The following AKTIP variants were observed in gnomAD, a reference collection of about 807,000 sequenced individuals.
The protein encoded by AKTIP is AKT interacting protein, also known as AKT-interacting protein.
AKTIP carries 16 observed loss-of-function variants against 39.1 expected under a neutral mutation model. The observed-to-expected ratio is 0.41, with a 90% CI of 0.28 to 0.62. The LOEUF (loss-of-function observed/expected upper bound fraction) is 0.62. Among genes scored for constraint, AKTIP ranks in the 20% least tolerant of loss-of-function variants. The pLI is 0.32. For synonymous variants in AKTIP, 93 were observed against 124.3 expected (o/e 0.75, Z 1.67); for missense variants, 262 against 356.6 (o/e 0.73, Z 2.14).
At chr16:53,494,984 C>T (rs1384212776) in intron 5 of AKTIP, 89 bp downstream of exon 5, 1 of 1,174,094 alleles carries the variant, frequency 8.5e-7, no homozygotes, top group Non-Finnish European at 1.3e-6. Context: ...ATAAAGGTAC[C>T]AGGTCAGGAA....
At chr16:53,494,659 A>T (rs1961716722) in intron 5 of AKTIP, 54 bp from the exon 6 acceptor site, 5 of 1,528,248 alleles carry the variant, frequency 3.3e-6, no homozygotes, top group Non-Finnish European at 4.5e-6. Context: ...GGCGCTTATG[A>T]GACCCATAGG....
intron 8 of AKTIP, chr16:53,493,788 C>T: frequency 8.1e-6 from 2 of 246,688 alleles, no homozygotes; most frequent in Non-Finnish European, 1.6e-5. Context: ...CCTTTTACCA[C>T]ATCTGAATGT....
intron 3 of AKTIP, among the ~76,000 whole-genome samples, chr16:53,497,407 G>C (rs1961903815): frequency 6.6e-6 from 1 of 152,160 alleles, no homozygotes; most frequent in South Asian, 2.1e-4. Context: ...CCTGCCTTTG[G>C]GGGTCATACA....
Position 53,492,408 on chromosome 16 carries a change from T to C in AKTIP, c.*4A>G, listed in dbSNP as rs773818786. Reference sequence around the variant, plus strand: ...AGTGCATGGTGCACCAGATTCACCATCTCTTAAGTCGCCACTGTTTTCTCT... The same window carrying C: ...AGTGCATGGTGCACCAGATTCACCACCTCTTAAGTCGCCACTGTTTTCTCT... On this transcript the variant is annotated 3_prime_UTR_variant, in exon 10 of 10. Coordinates refer to ENST00000394657, the MANE Select transcript of AKTIP (RefSeq NM_022476.4). 4 of 1,611,692 alleles carry C rather than the reference T, an allele frequency of 2.5e-6. No individual in the cohort carries two copies. The highest frequency in any genetic ancestry group is 2.2e-5 in the East Asian group (1 of 44,870).
At chr16:53,495,241 A>G in intron 4 of AKTIP, 21 bp downstream of exon 4, 1 of 1,614,080 alleles carries the variant, frequency 6.2e-7, no homozygotes, top group Non-Finnish European at 8.5e-7. Flanking sequence ...CCCATAAATT[A>G]AGAGTGAATC....
At chr16:53,494,299 C>T (rs1208832640) in intron 7 of AKTIP, 40 bp downstream of exon 7, 1 of 1,611,754 alleles carries the variant, frequency 6.2e-7, no homozygotes, top group Admixed American at 1.7e-5. Flanking sequence ...TTAGCTGCAT[C>T]TTCAAATTTA....
intron 2 of AKTIP, among the ~76,000 whole-genome samples, chr16:53,499,536 A>G (rs955469032): frequency 3.3e-5 from 5 of 151,482 alleles, no homozygotes; most frequent in African/African-American, 1.2e-4. Context: ...GCTCACTGCA[A>G]GCAAGCTTTG....
chr16:53,503,291 G>A (rs1276461761), upstream of AKTIP: 7 of 120,566 alleles, frequency 5.8e-5, no homozygotes, highest in Admixed American at 2.0e-4. Flanking sequence ...CCTCGGCAGC[G>A]GGCTCCGCCC....
intron 2 of AKTIP, 144 bp downstream of exon 2, chr16:53,500,074 A>G: frequency 1.8e-6 from 1 of 546,196 alleles, no homozygotes; most frequent in Non-Finnish European, 3.2e-6. Context: ...TTATTTCTCA[A>G]GAGTAAACCC....
upstream of AKTIP, among the ~76,000 whole-genome samples, chr16:53,503,523 G>C (rs1436249858): frequency 6.6e-6 from 1 of 152,248 alleles, no homozygotes. Flanking sequence ...GCCCCCCGGG[G>C]AGGGATGGGG....
chr16:53,495,434 G>T (rs998965892), intron 3 of AKTIP, 108 bp from the exon 4 acceptor site: 1 of 1,029,132 alleles, frequency 9.7e-7, no homozygotes, highest in Non-Finnish European at 1.5e-6. Flanking sequence ...ATGGGCAGCT[G>T]ATGCCCAAAC....
intron 8 of AKTIP, chr16:53,493,798 T>G: frequency 3.9e-6 from 1 of 259,716 alleles, no homozygotes; most frequent in Non-Finnish European, 7.4e-6. Context: ...CATCTGAATG[T>G]CAATGAGGGT....
intron 3 of AKTIP, among the ~76,000 whole-genome samples, chr16:53,497,796 C>T (rs558392340): frequency 6.6e-6 from 1 of 152,268 alleles, no homozygotes; most frequent in Non-Finnish European, 1.5e-5. Flanking sequence ...ATCGCCCAGG[C>T]TGGAGTGCAA....
chr16:53,494,181 G>A lies in AKTIP; in HGVS notation c.667C>T (p.Arg223Cys), dbSNP rs774284749. 19 of 1,614,008 alleles carry A rather than the reference G, an allele frequency of 1.2e-5. No homozygotes were observed. The highest frequency in any genetic ancestry group is 2.2e-5 in the South Asian group (2 of 91,068). ...VVDSVKVCTA[R>C]LFDQPKIEDP... Reference sequence around the variant, plus strand: ...TCTATTTTAGGTTGGTCAAACAAACGAGCAGTGCACACCTTAACACTGTCA... The same window carrying A: ...TCTATTTTAGGTTGGTCAAACAAACAAGCAGTGCACACCTTAACACTGTCA... Residue 223 changes from arginine to cysteine, a missense_variant, in exon 8 of 10, where the codon CGT (arginine) becomes TGT (cysteine). Transcript: ENST00000394657.
rs542548421 is a variant in AKTIP, at chr16:53,492,090, T to TTCTG, written c.*318_*321dup. The TTCTG allele has an allele frequency of 4.7e-4, 114 of 240,676 alleles. 3 individuals are homozygous for TTCTG. In the East Asian group the frequency reaches 0.011, roughly 23 times the overall value. 14.9% of individuals were successfully genotyped at this position (240,676 alleles called of 1,614,324 possible). A position where few individuals can be genotyped will look rare whatever the true frequency, so the allele number is the denominator to read the frequency against. On this transcript the variant is annotated 3_prime_UTR_variant, in exon 10 of 10. Coordinates refer to ENST00000394657, the MANE Select transcript of AKTIP (RefSeq NM_022476.4). ...TTATAAACTATTAAGTAGTGCTGAATTCTGTCTGCTCTATTAGTTTAAATG... is the reference window on the plus strand; with the variant it reads ...TTATAAACTATTAAGTAGTGCTGAATTCTGTCTGTCTGCTCTATTAGTTTAAATG...
In AKTIP at chr16:53,494,370, C is replaced by G; in HGVS notation, c.571G>C (p.Ala191Pro). The stretch of plus-strand genomic sequence containing the variant: ...GCAGCCTCTGGGTTCAGGGGGCTTG[C>G]TGTATCAATCTTGTAGAAAACTCTC... The part of the protein sequence containing the change: ...ARRVFYKIDT[A>P]SPLNPEAAVL... The change falls in exon 7 of 10, where the codon GCA becomes CCA. Residue 191 changes from alanine to proline, a missense_variant. Transcript: ENST00000394657. 1 of 1,614,190 alleles carries G rather than the reference C, an allele frequency of 6.2e-7. No homozygotes were observed.
chr16:53,492,838 C>T, intron 8 of AKTIP, 85 bp from the exon 9 acceptor site: 1 of 1,139,316 alleles, frequency 8.8e-7, no homozygotes, highest in South Asian at 1.3e-5. Flanking sequence ...AAGCCAATTC[C>T]CCTAACTTAA....
chr16:53,498,701 C>T, intron 2 of AKTIP, 105 bp from the exon 3 acceptor site: 3 of 1,099,158 alleles, frequency 2.7e-6, no homozygotes, highest in Non-Finnish European at 4.1e-6. Context: ...CCTTTACAAG[C>T]ACATTCTAAC....
At chr16:53,494,684 G>C in intron 5 of AKTIP, 79 bp from the exon 6 acceptor site, 2 of 1,367,644 alleles carry the variant, frequency 1.5e-6, no homozygotes, top group Non-Finnish European at 2.0e-6. Context: ...GTGATAAAAA[G>C]AGCTTCAGGA....
Sources: gnomAD v4.1 joint callset for allele counts (sites outside exome capture counted in the v4.1 genomes callset) on GRCh38, gnomAD v4.1.1 for gene constraint, MANE v1.5 for transcripts, NCBI Gene and HGNC (gene_info 2026-07-23, HGNC 2026-07-21) for gene names.